SCUBE1: variants seen among roughly 807,000 people sequenced by gnomAD.
The protein encoded by SCUBE1 is signal peptide, CUB domain and EGF like domain containing 1.
In SCUBE1, 59 loss-of-function variants were observed where a neutral mutation model predicts 124.4. That is an observed-to-expected ratio of 0.47 (90% CI 0.38 to 0.59). SCUBE1 has a LOEUF of 0.59. SCUBE1 is among the 20% of genes least tolerant of loss of function. The pLI is 0.00. For missense variants in SCUBE1, 1,150 were observed against 1,371.2 expected (o/e 0.84, Z 2.55); for synonymous variants, 545 against 550.9 (o/e 0.99, Z 0.15).
At chr22:43,230,769 C>T (rs189448550) in intron 8 of SCUBE1, among the ~76,000 whole-genome samples, 12 of 152,292 alleles carry the variant, frequency 7.9e-5, no homozygotes, top group East Asian at 1.9e-4. Flanking sequence ...ATTCTGAGGA[C>T]GGCAGGCCCT....
In SCUBE1 at chr22:43,300,098, T is replaced by A. The variant is rs112551841; in HGVS notation, c.350-8918A>T. Among the ~76,000 whole-genome samples the A allele has an allele frequency of 3.1e-3, 467 of 152,216 alleles. 3 individuals are homozygous for A. The highest frequency in any genetic ancestry group is 0.011 in the African/African-American group (443 of 41,514). ...GTGCTGCTGAACACTGTGTGTAAGT[T>A]TTCGTGGGGGTATACGCCTTCAGCT... On this transcript the variant is annotated intron_variant, in intron 3 of 21. Coordinates refer to ENST00000360835, the MANE Select transcript of SCUBE1 (RefSeq NM_173050.5).
chr22:43,330,224 TAA>T (rs1199998300), intron 2 of SCUBE1, among the ~76,000 whole-genome samples: 1 of 152,154 alleles, frequency 6.6e-6, no homozygotes, highest in Non-Finnish European at 1.5e-5. Context: ...TCAGAATGGT[TAA>T]GTCACCGCTG....
intron 10 of SCUBE1, 111 bp downstream of exon 10, chr22:43,227,263 T>C (rs1922354490): frequency 1.4e-5 from 18 of 1,283,722 alleles, no homozygotes; most frequent in Non-Finnish European, 1.8e-5. Context: ...ATGCAAGGCC[T>C]AGAGGAAAGG....
In SCUBE1 at chr22:43,255,667, G is replaced by A. The variant is rs557387913; in HGVS notation, c.727+2552C>T. ...AAGACAGTCAGCCTCTCGGCGTGGC[G>A]CACGCAAAGCCAACACAACACGCCG... is the stretch of plus-strand genomic sequence containing the variant. On this transcript the variant is annotated intron_variant, in intron 6 of 21. Transcript: ENST00000360835. This position sits in a 1 kb window ranked among gnomAD's most constrained non-coding sequence, Gnocchi z 4.7. 13 of 1,129,314 alleles carry A rather than the reference G, an allele frequency of 1.2e-5. No homozygotes were observed. Among genetic ancestry groups the A allele is most frequent in the South Asian group, 9.3e-5 (7 of 75,382 alleles). 70.0% of individuals were successfully genotyped at this position (1,129,314 alleles called of 1,614,324 possible). A position where few individuals can be genotyped will look rare whatever the true frequency, so the allele number is the denominator to read the frequency against.
Position 43,223,086 on chromosome 22 carries a change from G to GC in SCUBE1, c.1327+10dup. The GC allele has an allele frequency of 1.3e-6, 2 of 1,525,982 alleles. No individual in the cohort carries two copies. The highest frequency in any genetic ancestry group is 4.8e-5 in the East Asian group (2 of 41,592). 94.5% of individuals were successfully genotyped at this position (1,525,982 alleles called of 1,614,324 possible). A position where few individuals can be genotyped will look rare whatever the true frequency, so the allele number is the denominator to read the frequency against. ...GCCACAGCATCCCATCTCAGGGACG[G>GC]CCCGGGTTACCTGGCACGAAGAGTG... On this transcript the variant is annotated intron_variant, in intron 11 of 21. Coordinates refer to ENST00000360835, the MANE Select transcript of SCUBE1 (RefSeq NM_173050.5).
chr22:43,304,937 G>C (rs1387690196), intron 3 of SCUBE1, among the ~76,000 whole-genome samples: 4 of 152,160 alleles, frequency 2.6e-5, no homozygotes, highest in African/African-American at 9.7e-5. Context: ...AGCTCCCTGA[G>C]GGCAAGAGTG....
rs1921373259 is a variant in SCUBE1 at position 43,208,086 on chromosome 22, T to A, written c.2720A>T (p.Tyr907Phe). Residue 907 changes from tyrosine to phenylalanine, a missense_variant, in exon 20 of 22, where the codon TAT (tyrosine) becomes TTT (phenylalanine). Physicochemically the swap from Tyr to Phe is conservative, Grantham distance 22. Around this residue, in one of 3 missense-constraint regions of SCUBE1, gnomAD observed 757 missense variants for 840.9 expected, o/e 0.90. Coordinates refer to ENST00000360835, the MANE Select transcript of SCUBE1 (RefSeq NM_173050.5). ...GNSGKGFQVP[Y>F]VTYDEDYQQL... Reference sequence around the variant, plus strand: ...GTGGATCTTACCATCGTAGGTGACATAGGGCACTTGGAAGCCTTTGCCGCT... The same window carrying A: ...GTGGATCTTACCATCGTAGGTGACAAAGGGCACTTGGAAGCCTTTGCCGCT... 1 of 1,614,002 alleles carries A rather than the reference T, an allele frequency of 6.2e-7. No homozygotes were observed. Among genetic ancestry groups the A allele is most frequent in the African/African-American group, 1.3e-5 (1 of 74,934 alleles).
Position 43,258,210 on chromosome 22 carries a change from C to A in SCUBE1, c.727+9G>T, listed in dbSNP as rs761774756. On this transcript the variant is annotated intron_variant, in intron 6 of 21. Coordinates refer to ENST00000360835, the MANE Select transcript of SCUBE1 (RefSeq NM_173050.5). This position sits in a 1 kb window ranked among gnomAD's most constrained non-coding sequence, Gnocchi z 5.0. The stretch of plus-strand genomic sequence containing the variant: ...GCAAGGGTGGTGTGTGGCAGAGGTG[C>A]CTACTTACCGATGCACGTGCGACCG... 1 of 1,595,048 alleles carries A rather than the reference C, an allele frequency of 6.3e-7. No homozygotes were observed. The highest frequency in any genetic ancestry group is 8.6e-7 in the Non-Finnish European group (1 of 1,163,554).
At chr22:43,247,651 C>G (rs1475218506) in intron 6 of SCUBE1, among the ~76,000 whole-genome samples, 1 of 152,222 alleles carries the variant, frequency 6.6e-6, no homozygotes, top group Non-Finnish European at 1.5e-5. Context: ...CCTGGCCCGC[C>G]CTTAGCTGGA....
intron 4 of SCUBE1, among the ~76,000 whole-genome samples, chr22:43,275,497 G>A (rs1373758234): frequency 6.6e-6 from 1 of 152,254 alleles, no homozygotes; most frequent in African/African-American, 2.4e-5. Context: ...ACACAAGGAT[G>A]ACTTAAACAC....
At chr22:43,209,910 G>A in intron 19 of SCUBE1, 133 bp downstream of exon 19, 1 of 918,536 alleles carries the variant, frequency 1.1e-6, no homozygotes, top group Non-Finnish European at 1.6e-6. Context: ...GGACTCTGAG[G>A]GGCTGGTCCT....
chr22:43,268,456 G>C (rs1272358637), intron 4 of SCUBE1, among the ~76,000 whole-genome samples: 1 of 152,252 alleles, frequency 6.6e-6, no homozygotes, highest in African/African-American at 2.4e-5. Context: ...CGGCCCGCCA[G>C]GTCGAATCTA....
At chr22:43,296,825 C>T (rs374206752) in intron 3 of SCUBE1, among the ~76,000 whole-genome samples, 8 of 152,268 alleles carry the variant, frequency 5.3e-5, no homozygotes, top group East Asian at 1.9e-4. Flanking sequence ...CTTGGTGGGC[C>T]GTGCCACAGG....
At position 43,198,460 on chromosome 22, in the gene SCUBE1, G is replaced by T. The variant is rs919787305; in HGVS notation, c.*5537C>A. On this transcript the variant is annotated 3_prime_UTR_variant, in exon 22 of 22. Transcript: ENST00000360835. ...GATCAGGCCAACCCCAGCTCTGCCTGCCCAGGACTTACTCCTGGAAGGGCC... is the reference window on the plus strand; with the variant it reads ...GATCAGGCCAACCCCAGCTCTGCCTTCCCAGGACTTACTCCTGGAAGGGCC... 5 of 431,544 alleles carry T rather than the reference G, an allele frequency of 1.2e-5. No individual in the cohort carries two copies. The highest frequency in any genetic ancestry group is 8.0e-5 in the African/African-American group (4 of 49,804). The allele number at this position is 431,544 out of a possible 1,614,324, so 26.7% of individuals were successfully genotyped here. A position where few individuals can be genotyped will look rare whatever the true frequency, so the allele number is the denominator to read the frequency against.
At chr22:43,216,149 T>A (rs973595596) in intron 15 of SCUBE1, among the ~76,000 whole-genome samples, 2 of 151,912 alleles carry the variant, frequency 1.3e-5, no homozygotes, top group African/African-American at 4.8e-5. Flanking sequence ...CAGGTTCAAG[T>A]GACTCTCCTG....
chr22:43,315,398 C>T (rs1926310026), intron 3 of SCUBE1, among the ~76,000 whole-genome samples: 2 of 152,184 alleles, frequency 1.3e-5, no homozygotes, highest in Non-Finnish European at 2.9e-5. Context: ...CCAGCTGACT[C>T]TTACAGCATG....
intron 4 of SCUBE1, among the ~76,000 whole-genome samples, chr22:43,274,409 G>A (rs115297641): frequency 1.3e-5 from 2 of 152,188 alleles, no homozygotes; most frequent in Non-Finnish European, 2.9e-5. Flanking sequence ...TGGCAACCCT[G>A]CCCTGCCCTC....
intron 16 of SCUBE1, 128 bp from the exon 17 acceptor site, chr22:43,212,720 G>T: frequency 1.0e-6 from 1 of 952,938 alleles, no homozygotes; most frequent in South Asian, 1.6e-5. Flanking sequence ...CGAGGCCTGG[G>T]GTGGGGACGG....
At chr22:43,327,701 C>A (rs1926772461) in intron 2 of SCUBE1, among the ~76,000 whole-genome samples, 2 of 152,082 alleles carry the variant, frequency 1.3e-5, no homozygotes, top group South Asian at 4.1e-4. Flanking sequence ...GCAGAAGAAT[C>A]ACTTGAACCC....
Sources: gnomAD v4.1 joint callset for allele counts (sites outside exome capture counted in the v4.1 genomes callset) on GRCh38, gnomAD v4.1.1 for gene constraint, gnomAD v4.1.1 regional missense constraint, Gnocchi (gnomAD v3.1) non-coding constraint, MANE v1.5 for transcripts, NCBI Gene and HGNC (gene_info 2026-07-23, HGNC 2026-07-21) for gene names.